The following SLC7A6 variants were observed in gnomAD, a reference collection of about 807,000 sequenced individuals.
SLC7A6 encodes Y+L amino acid transporter 2.
SLC7A6 carries 29 observed loss-of-function variants against 46.6 expected under a neutral mutation model. That is an observed-to-expected ratio of 0.62 (90% confidence interval 0.46 to 0.85). The LOEUF is 0.85. SLC7A6 is among the 40% of genes least tolerant of loss of function. The pLI, the probability that SLC7A6 is intolerant of heterozygous loss-of-function variation, is 0.00. For missense variants in SLC7A6, 527 were observed against 647.6 expected, an observed-to-expected ratio of 0.81 and a Z score of 2.02; for synonymous variants, 276 against 257.3, an observed-to-expected ratio of 1.07 and a Z score of -0.70.
chr16:68,289,655 G>A (rs1462932777), intron 4 of SLC7A6, among the ~76,000 whole-genome samples: 1 of 152,180 alleles, frequency 6.6e-6, no homozygotes, highest in Non-Finnish European at 1.5e-5. Flanking sequence ...ATGTCCAGAG[G>A]GTCTCTGATC....
chr16:68,278,839 C>T (rs1488477544), intron 3 of SLC7A6, among the ~76,000 whole-genome samples: 6 of 151,220 alleles, frequency 4.0e-5, no homozygotes, highest in African/African-American at 7.3e-5. Flanking sequence ...ACCTCCCAGA[C>T]GGGGTGGCGG....
At chr16:68,295,923 G>T (rs2043155167) in intron 8 of SLC7A6, among the ~76,000 whole-genome samples, 1 of 152,156 alleles carries the variant, frequency 6.6e-6, no homozygotes, top group Non-Finnish European at 1.5e-5. Context: ...GTCCAGATGG[G>T]TAGGGATCCA....
At chr16:68,283,303 TC>T (rs1465244636) in intron 3 of SLC7A6, among the ~76,000 whole-genome samples, 1 of 152,246 alleles carries the variant, frequency 6.6e-6, no homozygotes, top group Non-Finnish European at 1.5e-5. Context: ...CCAGGTTTAT[TC>T]CTTCTGTCTT....
At chr16:68,296,873 G>C (rs971359497) in intron 10 of SLC7A6, 63 bp downstream of exon 10, 1 of 1,562,012 alleles carries the variant, frequency 6.4e-7, no homozygotes, top group Admixed American at 1.8e-5. Flanking sequence ...GCAGAGGTGG[G>C]GGGTGGCTAA....
At chr16:68,290,287 C>G in intron 4 of SLC7A6, 109 bp from the exon 5 acceptor site, 5 of 1,154,008 alleles carry the variant, frequency 4.3e-6, no homozygotes, top group Non-Finnish European at 6.0e-6. Context: ...TTCCCTTCCT[C>G]TTTCCTATTC....
At chr16:68,273,568 C>T (rs1228139798) in intron 2 of SLC7A6, among the ~76,000 whole-genome samples, 2 of 152,242 alleles carry the variant, frequency 1.3e-5, no homozygotes, top group Non-Finnish European at 2.9e-5. Context: ...TGGAATCCAA[C>T]ATGAGGGGCA....
chr16:68,289,314 GAAA>G (rs923107491), intron 4 of SLC7A6, among the ~76,000 whole-genome samples: 3 of 150,414 alleles, frequency 2.0e-5, no homozygotes, highest in African/African-American at 7.3e-5. Context: ...AAAAGAAAAA[GAAA>G]AAAAGAATTG....
chr16:68,270,712 G>C (rs2042609970), intron 2 of SLC7A6, among the ~76,000 whole-genome samples: 1 of 152,182 alleles, frequency 6.6e-6, no homozygotes, highest in South Asian at 2.1e-4. Flanking sequence ...GGAGGTGGCT[G>C]TCTTTCCATC....
rs1387474775 is a variant in SLC7A6 at position 68,301,295 on chromosome 16, G to T, written c.*3967G>T. The T allele has an allele frequency of 9.3e-6, 15 of 1,613,880 alleles. No homozygotes were observed. Among genetic ancestry groups the T allele is most frequent in the Admixed American group, 3.3e-5 (2 of 60,006 alleles). ...GACCATCAGTCTGAATCCAGGTCGT[G>T]GGGGCTGTCATAGCCGAACTCCTTC... On this transcript the variant is annotated 3_prime_UTR_variant, in exon 11 of 11. Coordinates refer to ENST00000219343, the MANE Select transcript of SLC7A6 (RefSeq NM_003983.6).
intron 6 of SLC7A6, 39 bp downstream of exon 6, chr16:68,291,371 G>A: frequency 1.2e-6 from 2 of 1,611,362 alleles, no homozygotes; most frequent in Non-Finnish European, 1.7e-6. Flanking sequence ...ATCATCTCCT[G>A]ATACTGAGCC....
At chr16:68,268,420 G>A (rs373944565) in intron 2 of SLC7A6, among the ~76,000 whole-genome samples, 5 of 152,200 alleles carry the variant, frequency 3.3e-5, no homozygotes, top group Non-Finnish European at 7.3e-5. Context: ...TGTGGTGTGA[G>A]AGTACACAGT....
Position 68,296,681 on chromosome 16 carries a change from G to A in SLC7A6, c.1324G>A (p.Val442Met). 6.2e-7 allele frequency: 1 copy of A among 1,614,174 alleles called. No homozygotes were observed. ...CATATGCTCCGTGTTTCTGGTGATA[G>A]TGCCCCTCTTCACTGACACCATTAA... ...FCICSVFLVI[V>M]PLFTDTINSL... Residue 442 changes from valine (V) to methionine (M), a missense_variant, in exon 10 of 11, where the codon GTG (valine) becomes ATG (methionine). Val to Met is a conservative substitution (Grantham distance 21). Coordinates refer to ENST00000219343, the MANE Select transcript of SLC7A6 (RefSeq NM_003983.6).
chr16:68,291,055 A>T, intron 5 of SLC7A6, 154 bp from the exon 6 acceptor site: 1 of 897,398 alleles, frequency 1.1e-6, no homozygotes, highest in South Asian at 1.5e-5. Context: ...TTCTCAATAG[A>T]AAGAACCCAG....
chr16:68,265,984 G>A (rs1243924782), intron 1 of SLC7A6, among the ~76,000 whole-genome samples: 1 of 152,164 alleles, frequency 6.6e-6, no homozygotes. Context: ...ATGCAGGCCG[G>A]GCGCGGTGGC....
At position 68,296,390 on chromosome 16, in the gene SLC7A6, C is replaced by T. The variant is rs767868194; in HGVS notation, c.1146C>T (p.Ile382=). 11 of 1,614,036 alleles carry T rather than the reference C, an allele frequency of 6.8e-6. No homozygotes were observed. In the Admixed American group the frequency reaches 8.3e-5, roughly 12 times the overall value. Residue 382 remains isoleucine, a synonymous_variant, in exon 9 of 11, where the codon ATC becomes ATT. Transcript: ENST00000219343. ...FNCTMALIYL[I]VEDVFQLINY... Reference sequence around the variant, plus strand: ...GCACCATGGCACTCATCTACCTCATCGTGGAGGATGTTTTCCAGCTTATCA... The same window carrying T: ...GCACCATGGCACTCATCTACCTCATTGTGGAGGATGTTTTCCAGCTTATCA...
rs1362458830 is a variant in SLC7A6, at chr16:68,300,649, G to GT, written c.*3322dup. ...CAAAGCTAGATTTTACTAAACACATGTATCACATTCATATATATTGTTTCT... is the reference window on the plus strand; with the variant it reads ...CAAAGCTAGATTTTACTAAACACATGTTATCACATTCATATATATTGTTTCT... On this transcript the variant is annotated 3_prime_UTR_variant, in exon 11 of 11. Transcript: ENST00000219343. The GT allele has an allele frequency of 1.0e-6, 1 of 985,308 alleles. No individual in the cohort carries two copies. Among genetic ancestry groups the GT allele is most frequent in the Non-Finnish European group, 1.2e-6 (1 of 829,932 alleles). The allele number at this position is 985,308 out of a possible 1,614,324, so 61.0% of individuals were successfully genotyped here.
chr16:68,290,391 C>T lies in SLC7A6; in HGVS notation c.650-5C>T. The T allele has an allele frequency of 1.9e-6, 3 of 1,613,934 alleles. No homozygotes were observed. Among genetic ancestry groups the T allele is most frequent in the South Asian group, 2.2e-5 (2 of 91,072 alleles). Reference sequence around the variant, plus strand: ...TGAACCCCTCACCTGCCTTTGCCCCCACAGGACACTCTGAGCACTTTCAGG... The same window carrying T: ...TGAACCCCTCACCTGCCTTTGCCCCTACAGGACACTCTGAGCACTTTCAGG... On this transcript the variant is annotated splice_region_variant and splice_polypyrimidine_tract_variant and intron_variant, in intron 4 of 10. Coordinates refer to ENST00000219343, the MANE Select transcript of SLC7A6 (RefSeq NM_003983.6).
chr16:68,275,305 G>C, intron 3 of SLC7A6, 56 bp downstream of exon 3: 1 of 1,560,784 alleles, frequency 6.4e-7, no homozygotes, highest in Non-Finnish European at 8.7e-7. Flanking sequence ...CTATAATAAC[G>C]GTACTTTAGG....
In SLC7A6 at chr16:68,290,488, T is replaced by G. The variant is rs762018555; in HGVS notation, c.742T>G (p.Ser248Ala). ...LALYSALFSYSGWDTLNFVTE... is the reference protein window; with the variant it reads ...LALYSALFSYAGWDTLNFVTE... ...CCTCTACTCTGCCCTCTTCTCTTAC[T>G]CAGGTTGGGACACCCTTAATTTTGT... is the stretch of plus-strand genomic sequence containing the variant. Residue 248 changes from serine (S) to alanine (A), a missense_variant, in exon 5 of 11, where the codon TCA becomes GCA. Ser to Ala is a moderately conservative substitution (Grantham distance 99, BLOSUM62 1). Coordinates refer to ENST00000219343, the MANE Select transcript of SLC7A6 (RefSeq NM_003983.6). 6.2e-7 allele frequency: 1 copy of G among 1,614,182 alleles called. No homozygotes were observed. The highest frequency in any genetic ancestry group is 8.5e-7 in the Non-Finnish European group (1 of 1,180,018).
Sources: gnomAD v4.1 joint callset for allele counts (sites outside exome capture counted in the v4.1 genomes callset) on GRCh38, gnomAD v4.1.1 for gene constraint, MANE v1.5 for transcripts, NCBI Gene and HGNC (gene_info 2026-07-23, HGNC 2026-07-21) for gene names.